Variants in DSCAM observed in about 807,000 individuals in gnomAD.
DSCAM encodes the protein cell adhesion molecule DSCAM.
A neutral mutation model predicts 217.7 loss-of-function variants in DSCAM; 47 were observed. The observed-to-expected ratio is 0.22, with a 90% CI of 0.17 to 0.28. The LOEUF is 0.28. DSCAM is among the 10% of genes least tolerant of loss of function. DSCAM has a pLI of 1.00. For synonymous variants in DSCAM, 1,056 were observed against 1,015.3 expected, an observed-to-expected ratio of 1.04 and a Z score of -0.76; for missense variants, 2,080 against 2,618.3, an observed-to-expected ratio of 0.79 and a Z score of 4.49.
intron 3 of DSCAM, among the ~76,000 whole-genome samples, chr21:40,668,084 C>A (rs2837773): frequency 0.59 from 89,312 of 151,944 alleles, 26,644 homozygotes; most frequent in East Asian, 0.65. Context: ...TTAGAGATAC[C>A]AAATACAGTT....
At chr21:40,697,680 C>T (rs143643100) in intron 2 of DSCAM, among the ~76,000 whole-genome samples, 104 of 152,302 alleles carry the variant, frequency 6.8e-4, no homozygotes, top group Non-Finnish European at 1.2e-3. Flanking sequence ...TCTATTCTAT[C>T]CCATTGGTCT....
chr21:40,434,316 G>A (rs1569121649), intron 3 of DSCAM, among the ~76,000 whole-genome samples: 1 of 152,188 alleles, frequency 6.6e-6, no homozygotes, highest in Admixed American at 6.5e-5. Flanking sequence ...ATGCCAACAC[G>A]GAGACGCCAA....
intron 3 of DSCAM, among the ~76,000 whole-genome samples, chr21:40,659,741 G>C (rs2146377438): frequency 6.6e-6 from 1 of 152,168 alleles, no homozygotes; most frequent in African/African-American, 2.4e-5. Flanking sequence ...CCATTAGGCT[G>C]TACCTGATGG....
At chr21:40,485,196 T>G (rs1220163624) in intron 3 of DSCAM, among the ~76,000 whole-genome samples, 1 of 151,082 alleles carries the variant, frequency 6.6e-6, no homozygotes, top group African/African-American at 2.4e-5. Flanking sequence ...TAAAACACAG[T>G]CAGCCACTCT....
chr21:40,177,775 G>T (rs576498878), intron 15 of DSCAM, among the ~76,000 whole-genome samples: 1 of 152,312 alleles, frequency 6.6e-6, no homozygotes, highest in East Asian at 1.9e-4. Context: ...GTACTTAAGA[G>T]ATACATAAGC....
intron 8 of DSCAM, among the ~76,000 whole-genome samples, chr21:40,333,088 T>C (rs1233311124): frequency 6.6e-6 from 1 of 152,202 alleles, no homozygotes; most frequent in Non-Finnish European, 1.5e-5. Flanking sequence ...CAAAATTAGC[T>C]GGCTGAAATA....
chr21:40,193,035 C>T (rs1667991831), intron 11 of DSCAM, among the ~76,000 whole-genome samples: 2 of 152,124 alleles, frequency 1.3e-5, no homozygotes, highest in Admixed American at 6.5e-5. Flanking sequence ...ATTTTGCACT[C>T]TTGTGGCCGG....
At chr21:40,559,723 G>C (rs1010717246) in intron 3 of DSCAM, among the ~76,000 whole-genome samples, 1 of 151,038 alleles carries the variant, frequency 6.6e-6, no homozygotes, top group African/African-American at 2.4e-5. Flanking sequence ...GCAGTTCTAA[G>C]ATACTTAAGA....
Position 40,033,360 on chromosome 21 carries a change from C to G in DSCAM, c.5686+9011G>C, listed in dbSNP as rs375142666. ...AAGCAGGGCGAGGCATTGCATCACT[C>G]GGGAAGCACAGGGGTCAGGGAGTTC... On this transcript the variant is annotated intron_variant, in intron 32 of 32. Transcript: ENST00000400454. 1.1e-4 allele frequency among the ~76,000 whole-genome samples: 17 copies of G among 152,168 alleles called. No homozygotes were observed. The East Asian group carries it at 1.9e-3, about 17-fold the overall frequency.
chr21:40,460,622 A>C (rs2075798525), intron 3 of DSCAM, among the ~76,000 whole-genome samples: 1 of 152,194 alleles, frequency 6.6e-6, no homozygotes. Context: ...TAAAGAAAAA[A>C]ATCAACCACC....
chr21:40,736,010 A>G (rs2091059742), intron 1 of DSCAM, among the ~76,000 whole-genome samples: 1 of 152,210 alleles, frequency 6.6e-6, no homozygotes, highest in South Asian at 2.1e-4. Flanking sequence ...CAACTTGAAT[A>G]CAAAGTCAAG....
intron 1 of DSCAM, among the ~76,000 whole-genome samples, chr21:40,771,620 C>CG (rs1476745026): frequency 2.6e-5 from 4 of 152,350 alleles, no homozygotes; most frequent in Middle Eastern, 3.4e-3. Context: ...GGGCATGGCT[C>CG]ATTTCCATCT....
intron 3 of DSCAM, among the ~76,000 whole-genome samples, chr21:40,522,486 C>T (rs1444017567): frequency 2.6e-5 from 4 of 152,080 alleles, no homozygotes; most frequent in South Asian, 4.1e-4. Flanking sequence ...TTTGATTGTC[C>T]CCCCTTTAAA....
intron 3 of DSCAM, among the ~76,000 whole-genome samples, chr21:40,448,899 TA>T (rs2075696995): frequency 6.6e-6 from 1 of 152,220 alleles, no homozygotes; most frequent in Admixed American, 6.5e-5. Context: ...AACACACATT[TA>T]TTTATATCTT....
intron 28 of DSCAM, among the ~76,000 whole-genome samples, chr21:40,061,612 A>T (rs1312048559): frequency 6.6e-6 from 1 of 151,892 alleles, no homozygotes; most frequent in Non-Finnish European, 1.5e-5. Context: ...TATCCTTCAT[A>T]TCATTGTTTT....
chr21:40,432,210 A>AT (rs1159942724), intron 3 of DSCAM, among the ~76,000 whole-genome samples: 15 of 146,688 alleles, frequency 1.0e-4, no homozygotes, highest in Admixed American at 4.2e-4. Context: ...AATAATAATA[A>AT]AAAATAAATA....
intron 1 of DSCAM, among the ~76,000 whole-genome samples, chr21:40,730,441 C>G (rs928683341): frequency 2.6e-5 from 4 of 152,196 alleles, no homozygotes; most frequent in African/African-American, 9.7e-5. Context: ...TTAAATTAAA[C>G]CGACCCAGGA....
intron 3 of DSCAM, among the ~76,000 whole-genome samples, chr21:40,524,544 T>C (rs1311120741): frequency 6.6e-6 from 1 of 152,184 alleles, no homozygotes; most frequent in African/African-American, 2.4e-5. Flanking sequence ...GTATTAACAA[T>C]CAATACAAAC....
chr21:40,593,582 G>GTGA (rs1345616043), intron 3 of DSCAM, among the ~76,000 whole-genome samples: 2 of 152,192 alleles, frequency 1.3e-5, no homozygotes, highest in Non-Finnish European at 2.9e-5. Context: ...CTGACCTCAA[G>GTGA]TGATCCACCC....
Sources: allele counts gnomAD v4.1 joint callset (sites outside exome capture counted in the v4.1 genomes callset), GRCh38; gene constraint gnomAD v4.1.1; transcripts MANE v1.5; gene names NCBI Gene and HGNC (gene_info 2026-07-23, HGNC 2026-07-21).